DSP: variants seen among roughly 807,000 people sequenced by gnomAD.
The protein encoded by DSP is 250/210 kDa paraneoplastic pemphigus antigen.
DSP carries 114 observed loss-of-function variants against 290.6 expected under a neutral mutation model. The ratio of observed to expected loss-of-function variants is 0.39; its 90% CI spans 0.34 to 0.46. The LOEUF (loss-of-function observed/expected upper bound fraction) is 0.46, where lower values mean the gene tolerates loss of function less well. Among genes scored for constraint, DSP ranks in the 20% least tolerant of loss-of-function variants. DSP has a pLI of 0.99. For synonymous variants in DSP, 1,311 were observed against 1,316.4 expected (o/e 1.00, Z 0.09); for missense variants, 3,230 against 3,495.8 (o/e 0.92, Z 1.92).
intron 3 of DSP, among the ~76,000 whole-genome samples, chr6:7,558,734 G>A (rs1316419253): frequency 1.3e-5 from 2 of 152,006 alleles, no homozygotes; most frequent in Admixed American, 6.6e-5. Context: ...GGCTGATCTC[G>A]AAGTCCTAGG....
chr6:7,570,266 G>A (rs1759002019), intron 12 of DSP, among the ~76,000 whole-genome samples, 171 bp from the exon 13 acceptor site: 1 of 152,140 alleles, frequency 6.6e-6, no homozygotes, highest in African/African-American at 2.4e-5. Context: ...GTACTTTTGG[G>A]GAGTAAATGA....
chr6:7,562,629 C>G, intron 4 of DSP, 23 bp from the exon 5 acceptor site: 1 of 1,613,896 alleles, frequency 6.2e-7, no homozygotes, highest in Non-Finnish European at 8.5e-7. Context: ...CAAAGGGCGC[C>G]TCTCTTTGTC....
intron 17 of DSP, 113 bp from the exon 18 acceptor site, chr6:7,575,182 T>A: frequency 9.9e-7 from 1 of 1,007,278 alleles, no homozygotes; most frequent in African/African-American, 1.6e-5. Context: ...CACTTTAAAT[T>A]ATGAATATTC....
chr6:7,571,616 A>G (rs780389302), intron 14 of DSP, 32 bp downstream of exon 14: 4 of 1,612,762 alleles, frequency 2.5e-6, no homozygotes, highest in East Asian at 4.5e-5. Flanking sequence ...CTTTGTATCA[A>G]CCATCCATAC....
intron 1 of DSP, among the ~76,000 whole-genome samples, chr6:7,549,706 T>A (rs1758276727): frequency 6.6e-6 from 1 of 152,142 alleles, no homozygotes; most frequent in Non-Finnish European, 1.5e-5. Context: ...CATATGAGTC[T>A]TTCTGGCATA....
At chr6:7,563,379 G>A (rs550524554) in intron 5 of DSP, among the ~76,000 whole-genome samples, 75 of 150,800 alleles carry the variant, frequency 5.0e-4, no homozygotes, top group African/African-American at 1.7e-3. Flanking sequence ...GGCTTTTTGG[G>A]GCTTACTTTT....
intron 3 of DSP, among the ~76,000 whole-genome samples, chr6:7,558,798 A>C (rs1213368197): frequency 1.3e-5 from 2 of 152,138 alleles, no homozygotes; most frequent in Non-Finnish European, 2.9e-5. Context: ...ACAGGTGTGA[A>C]TCACTTAAGG....
rs2113695297 is a variant in DSP at position 7,581,143 on chromosome 6, G to A, written c.4953G>A (p.Gln1651=). ...ACCTGAGGGAAAAGCAGAGGACCCAGGAAGAGCTGAGGAGGCTCTCTTCTG... is the reference window on the plus strand; with the variant it reads ...ACCTGAGGGAAAAGCAGAGGACCCAAGAAGAGCTGAGGAGGCTCTCTTCTG... ...DGHLREKQRT[Q]EELRRLSSEV... Residue 1651 remains glutamine, a synonymous_variant, in exon 23 of 24, where the codon CAG becomes CAA. Coordinates refer to ENST00000379802, the MANE Select transcript of DSP (RefSeq NM_004415.4). 1 of 1,614,208 alleles carries A rather than the reference G, an allele frequency of 6.2e-7. No homozygotes were observed.
Position 7,585,461 on chromosome 6 carries a change from G to C in DSP, c.8199G>C (p.Thr2733=), listed in dbSNP as rs145085696. The C allele has an allele frequency of 1.9e-4, 302 of 1,614,158 alleles. No homozygotes were observed. Among genetic ancestry groups the C allele is most frequent in the Admixed American group, 9.7e-4 (58 of 60,028 alleles). The change falls in exon 24 of 24, where the codon ACG becomes ACC. Residue 2733 remains threonine, a synonymous_variant. Coordinates refer to ENST00000379802, the MANE Select transcript of DSP (RefSeq NM_004415.4). The stretch of plus-strand genomic sequence containing the variant: ...GCTTCCTGGAGTTCCAGTACCTCAC[G>C]GGAGGTCTTGTTGACCCGGAAGTGC... ...GQRFLEFQYL[T]GGLVDPEVHG...
chr6:7,541,894 G>A lies in DSP; in HGVS notation c.-22G>A. The A allele has an allele frequency of 6.2e-7, 1 of 1,601,838 alleles. No homozygotes were observed. Among genetic ancestry groups the A allele is most frequent in the Non-Finnish European group, 8.5e-7 (1 of 1,176,310 alleles). ...CTCGCTTATGCCTCGGCGCTGAGCC[G>A]CTCTCCCGATTGCCCGCCGACATGA... On this transcript the variant is annotated 5_prime_UTR_variant, in exon 1 of 24. Coordinates refer to ENST00000379802, the MANE Select transcript of DSP (RefSeq NM_004415.4).
Position 7,579,996 on chromosome 6 carries a change from G to A in DSP, c.3806G>A (p.Arg1269Gln), listed in dbSNP as rs876657795. Residue 1269 changes from arginine to glutamine, a missense_variant, in exon 23 of 24, where the codon CGA (arginine) becomes CAA (glutamine). Around this residue, in one of 5 missense-constraint regions of DSP, gnomAD observed 1,714 missense variants for 1,844.5 expected, o/e 0.93. Coordinates refer to ENST00000379802, the MANE Select transcript of DSP (RefSeq NM_004415.4). This position sits in a 1 kb window ranked among gnomAD's most constrained non-coding sequence, Gnocchi z 4.1. Reference sequence around the variant, plus strand: ...TTGCAGGCCACTGAGCAGCGAAGGCGAGCTGAAGAAAACGCCCTTCAGCAA... The same window carrying A: ...TTGCAGGCCACTGAGCAGCGAAGGCAAGCTGAAGAAAACGCCCTTCAGCAA... ...SILQATEQRR[R>Q]AEENALQQKA... The A allele has an allele frequency of 6.2e-6, 10 of 1,614,122 alleles. No individual in the cohort carries two copies. The highest frequency in any genetic ancestry group is 1.1e-5 in the South Asian group (1 of 91,082).
Position 7,585,740 on chromosome 6 carries a change from C to G in DSP, c.8478C>G (p.Arg2826=). The G allele has an allele frequency of 6.2e-7, 1 of 1,610,058 alleles. No individual in the cohort carries two copies. The highest frequency in any genetic ancestry group is 1.3e-5 in the African/African-American group (1 of 74,796). ...PYNMSSAPGS[R]SGSRSGSRSG... is the part of the protein sequence containing the mutation. ...ACATGTCTTCGGCTCCGGGGTCCCG[C>G]TCCGGCTCCCGCTCGGGATCTCGCT... The change falls in exon 24 of 24, where the codon CGC becomes CGG. Residue 2826 remains arginine, a synonymous_variant. Coordinates refer to ENST00000379802, the MANE Select transcript of DSP (RefSeq NM_004415.4).
At position 7,578,405 on chromosome 6, in the gene DSP, A is replaced by G. The variant is rs2113689821; in HGVS notation, c.2986-59A>G. 2.1e-6 allele frequency: 3 copies of G among 1,437,484 alleles called. No homozygotes were observed. The South Asian group carries it at 3.5e-5, about 17-fold the overall frequency. 89.0% of individuals were successfully genotyped at this position (1,437,484 alleles called of 1,614,324 possible). On this transcript the variant is annotated intron_variant, in intron 21 of 23. Transcript: ENST00000379802. ...TTTAGAAAACAAAATCGGTCAAATT[A>G]CATAGGACTTTTTTTTTAATGCAAT...
At chr6:7,578,103 C>G (rs1373804706) in intron 21 of DSP, among the ~76,000 whole-genome samples, 1 of 152,146 alleles carries the variant, frequency 6.6e-6, no homozygotes. Context: ...CAGAAATGAT[C>G]AGGAATGTGT....
At position 7,585,961 on chromosome 6, in the gene DSP, G is replaced by T; in HGVS notation, c.*83G>T. The T allele has an allele frequency of 7.3e-7, 1 of 1,378,230 alleles. No individual in the cohort carries two copies. The highest frequency in any genetic ancestry group is 1.0e-6 in the Non-Finnish European group (1 of 980,918). The allele number at this position is 1,378,230 out of a possible 1,614,324, so 85.4% of individuals were successfully genotyped here. On this transcript the variant is annotated 3_prime_UTR_variant, in exon 24 of 24. Coordinates refer to ENST00000379802, the MANE Select transcript of DSP (RefSeq NM_004415.4). ...TTAAATAATAGAAAAGAAAATCCCG[G>T]TGCTTGCAGTAGAGTGATAGGACAT...
Position 7,580,397 on chromosome 6 carries a change from A to G in DSP, c.4207A>G (p.Arg1403Gly). 1 of 1,614,144 alleles carries G rather than the reference A, an allele frequency of 6.2e-7. No homozygotes were observed. The highest frequency in any genetic ancestry group is 8.5e-7 in the Non-Finnish European group (1 of 1,180,016). The part of the protein sequence containing the change: ...AQIDNLTREN[R>G]SLSEEIKRLK... ...GATAGACAATCTCACCCGAGAAAAC[A>G]GGAGCTTATCTGAAGAAATAAAGAG... Residue 1403 changes from arginine (R) to glycine (G), a missense_variant, in exon 23 of 24, where the codon AGG (arginine) becomes GGG (glycine). By Grantham distance (125) the Arg-to-Gly change is moderately radical. This residue lies in a region of DSP where 1,714 missense variants were observed against 1,844.5 expected (regional missense o/e 0.93). Coordinates refer to ENST00000379802, the MANE Select transcript of DSP (RefSeq NM_004415.4). This position sits in a 1 kb window ranked among gnomAD's most constrained non-coding sequence, Gnocchi z 4.2.
intron 1 of DSP, among the ~76,000 whole-genome samples, chr6:7,542,780 T>C (rs960550638): frequency 1.1e-4 from 16 of 152,142 alleles, no homozygotes; most frequent in African/African-American, 3.6e-4. Context: ...CCTTCGGTCG[T>C]CCGCGCCGCA....
In DSP at chr6:7,559,087, G is replaced by GA. The variant is rs140128645; in HGVS notation, c.423-130dup. The GA allele has an allele frequency of 7.7e-3, 7,481 of 974,574 alleles. 282 individuals are homozygous for GA. In the African/African-American group the frequency reaches 0.095, roughly 12 times the overall value. 60.4% of individuals were successfully genotyped at this position (974,574 alleles called of 1,614,324 possible). A position where few individuals can be genotyped will look rare whatever the true frequency, so the allele number is the denominator to read the frequency against. On this transcript the variant is annotated intron_variant, in intron 3 of 23. Transcript: ENST00000379802. Reference sequence around the variant, plus strand: ...ATTAAGACTTAAGTCCTGGGGTAAAGAAAAAAAAATCTTCAAATACCATAA... The same window carrying GA: ...ATTAAGACTTAAGTCCTGGGGTAAAGAAAAAAAAAATCTTCAAATACCATAA...
chr6:7,571,978 G>C lies in DSP; in HGVS notation c.2040G>C (p.Glu680Asp). 1 of 1,614,168 alleles carries C rather than the reference G, an allele frequency of 6.2e-7. No homozygotes were observed. The highest frequency in any genetic ancestry group is 8.5e-7 in the Non-Finnish European group (1 of 1,180,034). Residue 680 changes from glutamate to aspartate, a missense_variant, in exon 15 of 24, where the codon GAG becomes GAC. This residue lies in a region of DSP where 1,714 missense variants were observed against 1,844.5 expected (regional missense o/e 0.93). Coordinates refer to ENST00000379802, the MANE Select transcript of DSP (RefSeq NM_004415.4). Reference sequence around the variant, plus strand: ...TGCAGAAGATTCGCAGGCAGATAGAGCACTGCGAGGGCAGGATGACTCTCA... The same window carrying C: ...TGCAGAAGATTCGCAGGCAGATAGACCACTGCGAGGGCAGGATGACTCTCA... ...MELQKIRRQI[E>D]HCEGRMTLKN...
Sources: allele counts gnomAD v4.1 joint callset (sites outside exome capture counted in the v4.1 genomes callset), GRCh38; gene constraint gnomAD v4.1.1; regional missense constraint gnomAD v4.1.1; non-coding constraint Gnocchi (gnomAD v3.1); transcripts MANE v1.5; gene names NCBI Gene and HGNC (gene_info 2026-07-23, HGNC 2026-07-21).